PTPRG: variants seen among roughly 807,000 people sequenced by gnomAD.
The protein encoded by PTPRG is receptor-type tyrosine-protein phosphatase gamma.
A neutral mutation model predicts 165.3 loss-of-function variants in PTPRG; 102 were observed. That is an observed-to-expected ratio of 0.62 (90% CI 0.53 to 0.73). The LOEUF (loss-of-function observed/expected upper bound fraction) is 0.73, where lower values mean the gene tolerates loss of function less well. PTPRG is among the 30% of genes least tolerant of loss of function. PTPRG has a pLI of 0.00. For synonymous variants in PTPRG, 675 were observed against 669.5 expected, an observed-to-expected ratio of 1.01 and a Z score of -0.13; for missense variants, 1,866 against 1,861.4, an observed-to-expected ratio of 1.00 and a Z score of -0.05.
intron 13 of PTPRG, among the ~76,000 whole-genome samples, chr3:62,227,576 G>A (rs1194915604): frequency 6.6e-6 from 1 of 152,232 alleles, no homozygotes; most frequent in African/African-American, 2.4e-5. Flanking sequence ...CATAGAGCTT[G>A]TAAGTTTTAG....
intron 2 of PTPRG, among the ~76,000 whole-genome samples, chr3:61,785,226 G>T (rs2034658585): frequency 6.6e-6 from 1 of 152,090 alleles, no homozygotes; most frequent in Non-Finnish European, 1.5e-5. Flanking sequence ...TTAGGGGGAG[G>T]ACAATTCAGG....
intron 8 of PTPRG, among the ~76,000 whole-genome samples, chr3:62,169,807 G>T (rs552585796): frequency 6.6e-6 from 1 of 152,134 alleles, no homozygotes; most frequent in Non-Finnish European, 1.5e-5. Context: ...GGTACGTTAC[G>T]TGGAGAGGTT....
At chr3:61,588,636 A>G (rs1269452310) in intron 1 of PTPRG, among the ~76,000 whole-genome samples, 1 of 152,006 alleles carries the variant, frequency 6.6e-6, no homozygotes, top group African/African-American at 2.4e-5. Context: ...AGTAGAGACA[A>G]GGTTTCACCA....
At chr3:62,182,345 G>A (rs978224950) in intron 8 of PTPRG, among the ~76,000 whole-genome samples, 3 of 152,202 alleles carry the variant, frequency 2.0e-5, no homozygotes, top group Admixed American at 6.5e-5. Flanking sequence ...CACAAGTCTC[G>A]TAACACTACT....
intron 1 of PTPRG, among the ~76,000 whole-genome samples, chr3:61,579,970 A>T (rs1700250083): frequency 6.6e-6 from 1 of 152,232 alleles, no homozygotes; most frequent in South Asian, 2.1e-4. Context: ...GATTTGTGAC[A>T]ATTTTTAAAA....
Position 61,845,758 on chromosome 3 carries a change from C to T in PTPRG, c.190+96776C>T, listed in dbSNP as rs184822953. Among the ~76,000 whole-genome samples, 12 of 152,232 alleles carry T rather than the reference C, an allele frequency of 7.9e-5. No individual in the cohort carries two copies. The East Asian group carries it at 2.3e-3, about 29-fold the overall frequency. The stretch of plus-strand genomic sequence containing the variant: ...TAATGTATTTTCCATTATTTTTGGT[C>T]CATAAGCATGTATATTAATAAGTTG... On this transcript the variant is annotated intron_variant, in intron 2 of 29. Coordinates refer to ENST00000474889, the MANE Select transcript of PTPRG (RefSeq NM_002841.4).
At chr3:62,126,993 A>G (rs1418468322) in intron 5 of PTPRG, among the ~76,000 whole-genome samples, 1 of 152,224 alleles carries the variant, frequency 6.6e-6, no homozygotes, top group Non-Finnish European at 1.5e-5. Context: ...AACTAAGACC[A>G]TTGGCTATAC....
chr3:62,202,393 G>A (rs1700114696), intron 11 of PTPRG, among the ~76,000 whole-genome samples: 1 of 152,142 alleles, frequency 6.6e-6, no homozygotes, highest in African/African-American at 2.4e-5. Context: ...CTGCAAAATG[G>A]GGTGATGATC....
At chr3:62,185,315 C>A (rs1277794562) in intron 8 of PTPRG, among the ~76,000 whole-genome samples, 2 of 152,140 alleles carry the variant, frequency 1.3e-5, no homozygotes, top group African/African-American at 4.8e-5. Context: ...GTTTAGAGAT[C>A]CGGGTGTGGC....
At chr3:61,575,143 C>T (rs186263081) in intron 1 of PTPRG, among the ~76,000 whole-genome samples, 4 of 152,232 alleles carry the variant, frequency 2.6e-5, no homozygotes, top group East Asian at 3.9e-4. Flanking sequence ...TAGAAGAACA[C>T]GTCAGTTGCT....
At chr3:61,649,726 ACTTTG>A (rs767951792) in intron 1 of PTPRG, among the ~76,000 whole-genome samples, 81 of 152,238 alleles carry the variant, frequency 5.3e-4, no homozygotes, top group Non-Finnish European at 8.1e-4. Context: ...AATGCAAGGC[ACTTTG>A]CTTATATTAC....
rs2106757498 is a variant in PTPRG at position 61,565,653 on chromosome 3, A to C, written c.85+3281A>C. On this transcript the variant is annotated intron_variant, in intron 1 of 29. Transcript: ENST00000474889. ...TTTTGTCTTTCGGCCCTCAGAGTGAAACTCTGGTTTTGATATGTTTTGTAT... is the reference window on the plus strand; with the variant it reads ...TTTTGTCTTTCGGCCCTCAGAGTGACACTCTGGTTTTGATATGTTTTGTAT... Among the ~76,000 whole-genome samples the C allele has an allele frequency of 1.3e-5, 2 of 150,940 alleles. 1 individual carries two copies. The highest frequency in any genetic ancestry group is 4.9e-5 in the African/African-American group (2 of 40,996).
chr3:62,213,630 G>A lies in PTPRG; in HGVS notation c.2156-5221G>A, dbSNP rs964684936. Among the ~76,000 whole-genome samples, 1 of 152,108 alleles carries A rather than the reference G, an allele frequency of 6.6e-6. No individual in the cohort carries two copies. Among genetic ancestry groups the A allele is most frequent in the African/African-American group, 2.4e-5 (1 of 41,422 alleles). Reference sequence around the variant, plus strand: ...GGCCTAAGTCAAAATTTGTACTCAGGTCTGCCTGAGTCTGGGGTGCAGAAT... The same window carrying A: ...GGCCTAAGTCAAAATTTGTACTCAGATCTGCCTGAGTCTGGGGTGCAGAAT... On this transcript the variant is annotated intron_variant, in intron 12 of 29. Coordinates refer to ENST00000474889, the MANE Select transcript of PTPRG (RefSeq NM_002841.4). The surrounding 1 kb of genome is among the most constrained non-coding windows in gnomAD (Gnocchi z 4.4).
chr3:62,098,576 T>G (rs1335551094), intron 5 of PTPRG, among the ~76,000 whole-genome samples: 2 of 151,638 alleles, frequency 1.3e-5, no homozygotes, highest in Non-Finnish European at 2.9e-5. Flanking sequence ...AAAAACAGAG[T>G]TGGGGGAAAA....
chr3:62,017,947 C>G (rs1017034814), intron 4 of PTPRG, among the ~76,000 whole-genome samples: 1 of 152,148 alleles, frequency 6.6e-6, no homozygotes, highest in African/African-American at 2.4e-5. Flanking sequence ...AAGACAGAAG[C>G]CATGAGAATT....
chr3:62,016,145 G>A (rs966169785), intron 4 of PTPRG, among the ~76,000 whole-genome samples: 1 of 152,022 alleles, frequency 6.6e-6, no homozygotes, highest in Non-Finnish European at 1.5e-5. Context: ...AGCAGGATTT[G>A]GCATTCTTAC....
At chr3:61,948,654 G>A (rs1166820080) in intron 2 of PTPRG, among the ~76,000 whole-genome samples, 2 of 152,164 alleles carry the variant, frequency 1.3e-5, no homozygotes, top group African/African-American at 4.8e-5. Context: ...TTAGAGAAAA[G>A]GAAGGGAGGG....
At chr3:61,953,655 T>C (rs1186578432) in intron 2 of PTPRG, among the ~76,000 whole-genome samples, 1 of 152,130 alleles carries the variant, frequency 6.6e-6, no homozygotes, top group Non-Finnish European at 1.5e-5. Context: ...TTAACATAAT[T>C]TCTAGCCCCA....
intron 2 of PTPRG, among the ~76,000 whole-genome samples, chr3:61,797,514 G>C (rs2035084744): frequency 6.6e-6 from 1 of 152,180 alleles, no homozygotes; most frequent in South Asian, 2.1e-4. Flanking sequence ...ACAGGTGTGA[G>C]AAGAACAGGG....
Sources: allele counts gnomAD v4.1 joint callset (sites outside exome capture counted in the v4.1 genomes callset), GRCh38; gene constraint gnomAD v4.1.1; non-coding constraint Gnocchi (gnomAD v3.1); transcripts MANE v1.5; gene names NCBI Gene and HGNC (gene_info 2026-07-23, HGNC 2026-07-21).